Variants in IKZF2 observed in about 807,000 individuals in gnomAD.
IKZF2 encodes the protein IKAROS family zinc finger 2, also known as zinc finger protein Helios.
In IKZF2, 15 loss-of-function variants were observed where a neutral mutation model predicts 49.2. The ratio of observed to expected loss-of-function variants is 0.30; its 90% CI spans 0.20 to 0.47. The LOEUF (loss-of-function observed/expected upper bound fraction) is 0.47, where lower values mean the gene tolerates loss of function less well. Ranked by LOEUF, IKZF2 falls within the 20% of genes least tolerant of loss-of-function variation. The pLI is 1.00. For missense variants in IKZF2, 567 were observed against 664.6 expected, an observed-to-expected ratio of 0.85 and a Z score of 1.61; for synonymous variants, 227 against 221.4, an observed-to-expected ratio of 1.03 and a Z score of -0.23.
intron 4 of IKZF2, among the ~76,000 whole-genome samples, chr2:213,137,575 T>C (rs1050124373): frequency 6.6e-6 from 1 of 152,008 alleles, no homozygotes; most frequent in African/African-American, 2.4e-5. Flanking sequence ...CTAAAAACTA[T>C]AGAAATGCCA....
At position 213,151,571 on chromosome 2, in the gene IKZF2, C is replaced by T. The variant is rs941918381; in HGVS notation, c.-278G>A. The T allele has an allele frequency of 6.6e-6, 1 of 152,472 alleles. No homozygotes were observed. The highest frequency in any genetic ancestry group is 2.4e-5 in the African/African-American group (1 of 41,430). 9.4% of individuals were successfully genotyped at this position (152,472 alleles called of 1,614,324 possible). ...AGTGGATCTGTAGCTAAGGGTAATCCTGTTTTTACTTCCTCCATCTTCAGC... is the reference window on the plus strand; with the variant it reads ...AGTGGATCTGTAGCTAAGGGTAATCTTGTTTTTACTTCCTCCATCTTCAGC... On this transcript the variant is annotated 5_prime_UTR_variant, in exon 1 of 9. Coordinates refer to ENST00000434687, the MANE Select transcript of IKZF2 (RefSeq NM_001387220.1).
chr2:213,133,878 C>T (rs1234080103), intron 4 of IKZF2, among the ~76,000 whole-genome samples: 1 of 152,010 alleles, frequency 6.6e-6, no homozygotes, highest in Non-Finnish European at 1.5e-5. Context: ...AAGTACCTTA[C>T]AAATAAAATG....
intron 4 of IKZF2, among the ~76,000 whole-genome samples, chr2:213,065,098 A>T (rs1452774230): frequency 1.3e-5 from 2 of 152,028 alleles, no homozygotes; most frequent in Non-Finnish European, 2.9e-5. Flanking sequence ...TTTTCCAGAA[A>T]CACATTTATA....
chr2:213,120,989 A>G (rs1186875595), intron 4 of IKZF2, among the ~76,000 whole-genome samples: 1 of 152,124 alleles, frequency 6.6e-6, no homozygotes, highest in Non-Finnish European at 1.5e-5. Flanking sequence ...TAATTTTACT[A>G]TGTTTGCCTA....
At chr2:213,110,177 T>A (rs1295600553) in intron 4 of IKZF2, among the ~76,000 whole-genome samples, 1 of 151,998 alleles carries the variant, frequency 6.6e-6, no homozygotes, top group Non-Finnish European at 1.5e-5. Flanking sequence ...TTAGTTGTTA[T>A]TATTAGTGTT....
chr2:213,007,343 CT>C lies in IKZF2; in HGVS notation c.*16del. 1 of 1,608,612 alleles carries C rather than the reference CT, an allele frequency of 6.2e-7. No individual in the cohort carries two copies. Among genetic ancestry groups the C allele is most frequent in the Non-Finnish European group, 8.5e-7 (1 of 1,177,448 alleles). On this transcript the variant is annotated 3_prime_UTR_variant, in exon 9 of 9. Coordinates refer to ENST00000434687, the MANE Select transcript of IKZF2 (RefSeq NM_001387220.1). Reference sequence around the variant, plus strand: ...CAGTTCTTTACTTCATAGGGGTCCCCTTTGGAATGAAAAGGCCTAGTGGAAT... The same window carrying C: ...CAGTTCTTTACTTCATAGGGGTCCCCTTGGAATGAAAAGGCCTAGTGGAAT...
intron 4 of IKZF2, among the ~76,000 whole-genome samples, chr2:213,118,838 ACTT>A (rs1464102946): frequency 2.0e-5 from 3 of 152,146 alleles, no homozygotes; most frequent in Admixed American, 1.3e-4. Flanking sequence ...ACTCTCCCAA[ACTT>A]CTTCTCCATA....
intron 8 of IKZF2, among the ~76,000 whole-genome samples, chr2:213,012,293 G>C (rs916725849): frequency 1.3e-5 from 2 of 151,598 alleles, no homozygotes; most frequent in African/African-American, 4.8e-5. Flanking sequence ...CTTTTCTAAG[G>C]AATGCAGTGA....
At chr2:213,073,536 G>C (rs1288346773) in intron 4 of IKZF2, among the ~76,000 whole-genome samples, 1 of 152,112 alleles carries the variant, frequency 6.6e-6, no homozygotes, top group African/African-American at 2.4e-5. Flanking sequence ...ATGTTTAATA[G>C]CATGTTACAC....
intron 6 of IKZF2, among the ~76,000 whole-genome samples, chr2:213,041,730 AT>A (rs895508075): frequency 2.2e-4 from 33 of 152,004 alleles, no homozygotes; most frequent in Admixed American, 1.3e-4. Context: ...AAAAGTTATT[AT>A]TTTTTTCTTT....
At chr2:213,050,637 G>C (rs887663768) in intron 5 of IKZF2, among the ~76,000 whole-genome samples, 3 of 151,982 alleles carry the variant, frequency 2.0e-5, no homozygotes, top group African/African-American at 7.2e-5. Flanking sequence ...TGTTTTTTGT[G>C]AAACTTATTA....
intron 4 of IKZF2, among the ~76,000 whole-genome samples, chr2:213,130,973 C>A (rs2060458286): frequency 6.6e-6 from 1 of 152,076 alleles, no homozygotes; most frequent in Admixed American, 6.5e-5. Context: ...TTATTTCTTG[C>A]AGCTATAGGA....
chr2:213,035,893 A>G (rs1476529404), intron 6 of IKZF2, among the ~76,000 whole-genome samples: 4 of 152,214 alleles, frequency 2.6e-5, no homozygotes, highest in African/African-American at 9.6e-5. Flanking sequence ...GCAGGAGTAT[A>G]GTGGCTGAGA....
intron 4 of IKZF2, among the ~76,000 whole-genome samples, chr2:213,108,175 G>A (rs1158817627): frequency 6.6e-6 from 1 of 152,022 alleles, no homozygotes; most frequent in Non-Finnish European, 1.5e-5. Context: ...AGGATAACCT[G>A]TGAAAAAATG....
At chr2:213,044,356 C>T (rs1282687481) in intron 6 of IKZF2, among the ~76,000 whole-genome samples, 1 of 152,144 alleles carries the variant, frequency 6.6e-6, no homozygotes, top group Non-Finnish European at 1.5e-5. Flanking sequence ...CCAAATTTTC[C>T]CCACTTGAGT....
Position 213,011,967 on chromosome 2 carries a change from A to G in IKZF2, c.856+1824T>C, listed in dbSNP as rs565237147. On this transcript the variant is annotated intron_variant, in intron 8 of 8. Coordinates refer to ENST00000434687, the MANE Select transcript of IKZF2 (RefSeq NM_001387220.1). ...AGATGTAGAAGTGATGAGCCATGGA[A>G]TCTAAGCTGAATAAGAAAAGAGAGG... Among the ~76,000 whole-genome samples the G allele has an allele frequency of 3.7e-4, 57 of 152,200 alleles. 1 individual carries two copies. The South Asian group carries it at 0.012, about 32-fold the overall frequency.
At chr2:213,032,770 A>G (rs1250690255) in intron 6 of IKZF2, among the ~76,000 whole-genome samples, 1 of 152,206 alleles carries the variant, frequency 6.6e-6, no homozygotes, top group Non-Finnish European at 1.5e-5. Context: ...CAGACTCATC[A>G]TCTTTCCACT....
At chr2:213,096,704 T>G (rs552333032) in intron 4 of IKZF2, among the ~76,000 whole-genome samples, 1 of 151,984 alleles carries the variant, frequency 6.6e-6, no homozygotes. Context: ...TTCTTAAAAT[T>G]GAAGTCTCAA....
chr2:213,107,464 C>T (rs1008768778), intron 4 of IKZF2, among the ~76,000 whole-genome samples: 1 of 152,124 alleles, frequency 6.6e-6, no homozygotes, highest in African/African-American at 2.4e-5. Context: ...TCACAAAATT[C>T]TAATTGTAGA....
Sources: allele counts gnomAD v4.1 joint callset (sites outside exome capture counted in the v4.1 genomes callset), GRCh38; gene constraint gnomAD v4.1.1; transcripts MANE v1.5; gene names NCBI Gene and HGNC (gene_info 2026-07-23, HGNC 2026-07-21).